EXTL3: variants seen among roughly 807,000 people sequenced by gnomAD.
EXTL3 encodes exostosin-like 3.
Under a neutral mutation model 69.3 loss-of-function variants are expected in EXTL3, and 27 were observed. The observed-to-expected ratio is 0.39, with a 90% CI of 0.29 to 0.54. The LOEUF (loss-of-function observed/expected upper bound fraction) is 0.54. EXTL3 is among the 20% of genes least tolerant of loss of function. The pLI is 0.69. For synonymous variants in EXTL3, 511 were observed against 499.4 expected (o/e 1.02, Z -0.31); for missense variants, 1,003 against 1,231.8 (o/e 0.81, Z 2.78).
Position 28,741,030 on chromosome 8 carries a change from C to T in EXTL3, c.2422-2056C>T, listed in dbSNP as rs1031308931. The T allele has an allele frequency of 4.6e-5, 7 of 152,200 alleles. No individual in the cohort carries two copies. The East Asian group carries it at 5.8e-4, about 13-fold the overall frequency. The allele number at this position is 152,200 out of a possible 1,614,324, so 9.4% of individuals were successfully genotyped here. On this transcript the variant is annotated intron_variant, in intron 5 of 6. Coordinates refer to ENST00000220562, the MANE Select transcript of EXTL3 (RefSeq NM_001440.4). ...GGAGTACAGTAGTGCAATCTTGGCT[C>T]ACTGCAGTCTCTGCCTCCTGGGTTC... is the stretch of plus-strand genomic sequence containing the variant.
At chr8:28,742,874 G>T (rs1204884643) in intron 5 of EXTL3, 2 of 592,122 alleles carry the variant, frequency 3.4e-6, no homozygotes, top group Non-Finnish European at 3.1e-6. Context: ...ACTAAAGGGG[G>T]TGATGATGGC....
intron 1 of EXTL3, among the ~76,000 whole-genome samples, chr8:28,635,570 G>T (rs1179674457): frequency 6.6e-6 from 1 of 151,634 alleles, no homozygotes; most frequent in East Asian, 1.9e-4. Flanking sequence ...AATTAGCCAG[G>T]CATAGTGGCG....
At chr8:28,703,919 A>G (rs1054167595) in intron 1 of EXTL3, among the ~76,000 whole-genome samples, 1 of 152,212 alleles carries the variant, frequency 6.6e-6, no homozygotes, top group Admixed American at 6.5e-5. Flanking sequence ...CTGAGAGGGA[A>G]GAAAGGATTT....
At chr8:28,621,739 T>C (rs1368249625), upstream of EXTL3, among the ~76,000 whole-genome samples, 1 of 152,190 alleles carries the variant, frequency 6.6e-6, no homozygotes, top group Non-Finnish European at 1.5e-5. Context: ...ACTGATCTAA[T>C]AAAAATAAAG....
chr8:28,707,492 G>A (rs1264325334), intron 1 of EXTL3, among the ~76,000 whole-genome samples: 2 of 152,272 alleles, frequency 1.3e-5, no homozygotes, highest in African/African-American at 4.8e-5. Context: ...CCAAGGGTAT[G>A]TGGTGCATTG....
chr8:28,755,761 A>G (rs1158845333), downstream of EXTL3, among the ~76,000 whole-genome samples: 1 of 152,220 alleles, frequency 6.6e-6, no homozygotes, highest in Non-Finnish European at 1.5e-5. Context: ...AAATAAAAAA[A>G]AAGTACAGCT....
chr8:28,745,543 T>A (rs1322525488), intron 6 of EXTL3, among the ~76,000 whole-genome samples: 1 of 152,206 alleles, frequency 6.6e-6, no homozygotes, highest in African/African-American at 2.4e-5. Flanking sequence ...TAGAAAGCAA[T>A]TAATGATGGG....
intron 4 of EXTL3, among the ~76,000 whole-genome samples, chr8:28,735,435 C>G (rs1313103966): frequency 6.6e-6 from 1 of 152,110 alleles, no homozygotes; most frequent in Non-Finnish European, 1.5e-5. Flanking sequence ...CTTACCTTGC[C>G]CGTGCTATTT....
Position 28,691,023 on chromosome 8 carries a change from G to C in EXTL3, c.-52-22434G>C, listed in dbSNP as rs915622508. ...GAAGTGTATGCCTTAATATATATGT[G>C]TGTTGTTAGACAGGCTAGACTGGTA... On this transcript the variant is annotated intron_variant, in intron 1 of 6. Transcript: ENST00000523149. Among the ~76,000 whole-genome samples, 8 of 152,224 alleles carry C rather than the reference G, an allele frequency of 5.3e-5. No individual in the cohort carries two copies. The East Asian group carries it at 1.5e-3, about 29-fold the overall frequency.
At chr8:28,616,543 C>T (rs892777839) in intron 2 of EXTL3, among the ~76,000 whole-genome samples, 3 of 151,750 alleles carry the variant, frequency 2.0e-5, no homozygotes, top group Non-Finnish European at 2.9e-5. Flanking sequence ...AGGAGAATGG[C>T]GTGAACCTGG....
intron 1 of EXTL3, among the ~76,000 whole-genome samples, chr8:28,636,331 CAA>C (rs377313297): frequency 3.4e-5 from 4 of 115,946 alleles, no homozygotes; most frequent in Admixed American, 1.9e-4. Context: ...GACTCCATCT[CAA>C]AAAAAAAAAA....
intron 1 of EXTL3, among the ~76,000 whole-genome samples, chr8:28,643,410 T>TTTTTTTTC (rs1300116067): frequency 2.2e-5 from 3 of 138,052 alleles, no homozygotes; most frequent in South Asian, 4.5e-4. Context: ...CCTGCTTTCT[T>TTTTTTTTC]TTTTTTTCTT....
chr8:28,623,686 T>C lies in EXTL3; in HGVS notation c.-53+876T>C, dbSNP rs972967980. 2.0e-5 allele frequency among the ~76,000 whole-genome samples: 3 copies of C among 152,238 alleles called. No homozygotes were observed. The highest frequency in any genetic ancestry group is 7.2e-5 in the African/African-American group (3 of 41,448). On this transcript the variant is annotated intron_variant, in intron 1 of 6. Coordinates refer to the EXTL3 transcript ENST00000523149. This position sits in a 1 kb window ranked among gnomAD's most constrained non-coding sequence, Gnocchi z 4.2. ...AACATAATTCATGTTTTTAAAGATA[T>C]GTTTTTATTTAAAACCTTCCCCCTA...
intron 1 of EXTL3, among the ~76,000 whole-genome samples, chr8:28,695,475 C>T (rs1371137006): frequency 1.3e-5 from 2 of 152,192 alleles, no homozygotes; most frequent in African/African-American, 4.8e-5. Context: ...CATGTGGGTA[C>T]CACAGGTCAA....
At chr8:28,652,759 A>C (rs1806947715) in intron 1 of EXTL3, among the ~76,000 whole-genome samples, 1 of 152,092 alleles carries the variant, frequency 6.6e-6, no homozygotes, top group African/African-American at 2.4e-5. Flanking sequence ...TTCCTTAATG[A>C]TTAGCAATGT....
chr8:28,666,884 C>T (rs1449803777), intron 1 of EXTL3, among the ~76,000 whole-genome samples: 1 of 152,204 alleles, frequency 6.6e-6, no homozygotes, highest in East Asian at 1.9e-4. Context: ...CCCAGCCACT[C>T]CTTTCTTAAA....
intron 4 of EXTL3, among the ~76,000 whole-genome samples, chr8:28,731,996 T>C (rs920235812): frequency 6.6e-6 from 1 of 152,184 alleles, no homozygotes; most frequent in African/African-American, 2.4e-5. Flanking sequence ...ATGACATAAA[T>C]TGTAGCTGTC....
At chr8:28,734,431 G>A (rs1056653570) in intron 4 of EXTL3, among the ~76,000 whole-genome samples, 1 of 152,168 alleles carries the variant, frequency 6.6e-6, no homozygotes, top group African/African-American at 2.4e-5. Context: ...ACCACTGGAG[G>A]CCGGGTGTAG....
In EXTL3 at chr8:28,753,022, G is replaced by C. The variant is rs529320464; in HGVS notation, c.*2156G>C. On this transcript the variant is annotated 3_prime_UTR_variant, in exon 7 of 7. Coordinates refer to ENST00000220562, the MANE Select transcript of EXTL3 (RefSeq NM_001440.4). ...AGGTTGTCGGGCCCCGAATGTCACTGGTGGATCTAAGAAGGGCTGAGTGGT... is the reference window on the plus strand; with the variant it reads ...AGGTTGTCGGGCCCCGAATGTCACTCGTGGATCTAAGAAGGGCTGAGTGGT... 1 of 152,618 alleles carries C rather than the reference G, an allele frequency of 6.6e-6. No homozygotes were observed. Among genetic ancestry groups the C allele is most frequent in the South Asian group, 2.1e-4 (1 of 4,826 alleles). 9.5% of individuals were successfully genotyped at this position (152,618 alleles called of 1,614,324 possible).
Sources: allele counts gnomAD v4.1 joint callset (sites outside exome capture counted in the v4.1 genomes callset), GRCh38; gene constraint gnomAD v4.1.1; non-coding constraint Gnocchi (gnomAD v3.1); transcripts MANE v1.5; gene names NCBI Gene and HGNC (gene_info 2026-07-23, HGNC 2026-07-21).